Variants in ZNF83 observed in about 807,000 individuals in gnomAD.
ZNF83 encodes the protein zinc finger protein 816B.
For synonymous variants in ZNF83, 209 were observed against 213.0 expected, an observed-to-expected ratio of 0.98 and a Z score of 0.17; for missense variants, 552 against 629.9, an observed-to-expected ratio of 0.88 and a Z score of 1.32.
intron 1 of ZNF83, among the ~76,000 whole-genome samples, chr19:52,665,839 A>T (rs1403005510): frequency 6.6e-6 from 1 of 152,054 alleles, no homozygotes; most frequent in Non-Finnish European, 1.5e-5. Flanking sequence ...CCATTGCTCC[A>T]TCTATGAGGA....
intron 2 of ZNF83, chr19:52,618,738 C>G (rs112244216): frequency 1.0e-5 from 11 of 1,047,902 alleles, no homozygotes; most frequent in African/African-American, 8.0e-5. Flanking sequence ...GGAACCCCCA[C>G]TGAGCTATCA....
intron 1 of ZNF83, among the ~76,000 whole-genome samples, chr19:52,676,062 G>A (rs113701098): frequency 6.6e-6 from 1 of 151,386 alleles, no homozygotes; most frequent in Non-Finnish European, 1.5e-5. Context: ...TCCCTCTCCC[G>A]CTCACTGCAA....
At chr19:52,614,494 T>C in exon 3 of ZNF83, 7 of 1,609,750 alleles carry the variant, frequency 4.3e-6, no homozygotes, top group Non-Finnish European at 6.0e-6. Flanking sequence ...TTCTGGTAGA[T>C]GTGACTGCGG....
intron 2 of ZNF83, among the ~76,000 whole-genome samples, chr19:52,621,725 T>C (rs897059139): frequency 1.3e-5 from 2 of 152,212 alleles, no homozygotes; most frequent in Non-Finnish European, 2.9e-5. Flanking sequence ...TCACCTGATC[T>C]AAAACCTAAG....
chr19:52,676,997 C>T (rs975511819), intron 1 of ZNF83, among the ~76,000 whole-genome samples: 22 of 145,646 alleles, frequency 1.5e-4, no homozygotes, highest in Non-Finnish European at 3.0e-4. Context: ...TGCGGAAGGC[C>T]GCAGGGTCCT....
chr19:52,649,297 G>A (rs1356212073), intron 3 of ZNF83, among the ~76,000 whole-genome samples: 1 of 152,158 alleles, frequency 6.6e-6, no homozygotes, highest in African/African-American at 2.4e-5. Context: ...CAGGCAGGCT[G>A]GTGGCTTTGC....
At chr19:52,624,246 A>C (rs1431960758) in intron 2 of ZNF83, among the ~76,000 whole-genome samples, 1 of 151,868 alleles carries the variant, frequency 6.6e-6, no homozygotes, top group African/African-American at 2.4e-5. Context: ...ATATCCTCCT[A>C]CTCCTTCAAC....
At chr19:52,619,984 G>A (rs938528385) in intron 2 of ZNF83, among the ~76,000 whole-genome samples, 2 of 152,162 alleles carry the variant, frequency 1.3e-5, no homozygotes, top group African/African-American at 4.8e-5. Context: ...TGAGGGTACA[G>A]GTTGCAGTGA....
chr19:52,650,818 C>T (rs2061432778), intron 3 of ZNF83: 1 of 152,202 alleles, frequency 6.6e-6, no homozygotes, highest in South Asian at 2.1e-4. Flanking sequence ...GCGTGTAAGC[C>T]CAGAAGGATT....
intron 1 of ZNF83, among the ~76,000 whole-genome samples, chr19:52,637,859 T>C (rs1345573759): frequency 1.3e-5 from 2 of 149,896 alleles, no homozygotes; most frequent in South Asian, 2.1e-4. Context: ...AGGAGGGAGG[T>C]GGGGGGGAGA....
At chr19:52,628,619 C>T (rs7360002) in intron 2 of ZNF83, among the ~76,000 whole-genome samples, 33 of 152,198 alleles carry the variant, frequency 2.2e-4, no homozygotes, top group African/African-American at 4.1e-4. Flanking sequence ...CACACAGGGA[C>T]GCCTGCCTTG....
intron 1 of ZNF83, among the ~76,000 whole-genome samples, chr19:52,682,214 A>T (rs998182539): frequency 2.7e-5 from 4 of 148,348 alleles, no homozygotes; most frequent in African/African-American, 1.1e-4. Context: ...TATTAAAATT[A>T]TAAAAAAAAA....
At chr19:52,624,691 C>T (rs1366844858) in intron 2 of ZNF83, among the ~76,000 whole-genome samples, 2 of 152,110 alleles carry the variant, frequency 1.3e-5, no homozygotes, top group African/African-American at 4.8e-5. Context: ...AGGACTGCAC[C>T]CTGTAGCCTT....
At chr19:52,627,194 A>AC (rs953473473) in intron 2 of ZNF83, among the ~76,000 whole-genome samples, 44 of 140,978 alleles carry the variant, frequency 3.1e-4, no homozygotes, top group African/African-American at 1.1e-3. Context: ...AAACTGCCCC[A>AC]CCCCATCTCC....
At chr19:52,643,457 G>A (rs1439798891) in intron 3 of ZNF83, among the ~76,000 whole-genome samples, 4 of 55,330 alleles carry the variant, frequency 7.2e-5, no homozygotes, top group South Asian at 5.4e-4. Context: ...ATCCTAGCAC[G>A]TTGGGAGGCT....
chr19:52,654,009 T>G (rs2061476403), intron 3 of ZNF83: 15 of 1,532,844 alleles, frequency 9.8e-6, no homozygotes, highest in Non-Finnish European at 1.4e-5. Flanking sequence ...TACAAGAAAT[T>G]CTTTGGGATG....
intron 2 of ZNF83, among the ~76,000 whole-genome samples, chr19:52,620,633 T>C (rs572557687): frequency 2.6e-5 from 4 of 152,180 alleles, no homozygotes; most frequent in Non-Finnish European, 5.9e-5. Flanking sequence ...GGATGAAATA[T>C]CAGAGTAAAA....
intron 1 of ZNF83, among the ~76,000 whole-genome samples, chr19:52,680,604 A>ATTTTT (rs1568582562): frequency 4.4e-5 from 4 of 89,926 alleles, no homozygotes; most frequent in Admixed American, 1.2e-4. Flanking sequence ...TTTCCACAAA[A>ATTTTT]TATTTTTTTT....
chr19:52,637,997 G>A (rs1452167541), intron 1 of ZNF83, among the ~76,000 whole-genome samples: 2 of 152,202 alleles, frequency 1.3e-5, no homozygotes, highest in African/African-American at 4.8e-5. Context: ...AGGCGCCCAG[G>A]GCGGGAATCC....
Sources: gnomAD v4.1 joint callset for allele counts (sites outside exome capture counted in the v4.1 genomes callset) on GRCh38, gnomAD v4.1.1 for gene constraint, MANE v1.5 for transcripts, NCBI Gene and HGNC (gene_info 2026-07-23, HGNC 2026-07-21) for gene names.